NRXN1: variants seen among roughly 807,000 people sequenced by gnomAD.
NRXN1 encodes the protein neurexin-1.
Under a neutral mutation model 150.9 loss-of-function variants are expected in NRXN1, and 39 were observed. The observed-to-expected ratio is 0.26, with a 90% CI of 0.20 to 0.34. The LOEUF is 0.34. Among genes scored for constraint, NRXN1 ranks in the 10% least tolerant of loss-of-function variants. The probability of loss-of-function intolerance (pLI) is 1.00; values close to 1 mark genes in which losing one functional copy is unlikely to be tolerated. For missense variants in NRXN1, 1,815 were observed against 1,949.9 expected (o/e 0.93, Z 1.30); for synonymous variants, 924 against 757.0 (o/e 1.22, Z -3.62).
At chr2:50,703,599 C>T (rs551731640) in intron 5 of NRXN1, among the ~76,000 whole-genome samples, 2 of 152,220 alleles carry the variant, frequency 1.3e-5, no homozygotes, top group East Asian at 3.9e-4. Flanking sequence ...AGTAGAGAAA[C>T]CCATGGAGTG....
intron 17 of NRXN1, among the ~76,000 whole-genome samples, chr2:50,356,445 G>A (rs1009945291): frequency 4.6e-5 from 7 of 152,006 alleles, no homozygotes; most frequent in Non-Finnish European, 1.0e-4. Context: ...TGACCTCTGA[G>A]GCATTTTGAA....
chr2:50,438,063 G>A (rs1572970516), intron 17 of NRXN1, among the ~76,000 whole-genome samples: 2 of 152,096 alleles, frequency 1.3e-5, no homozygotes, highest in South Asian at 4.1e-4. Context: ...TAAATTTCCT[G>A]TTCTTCCACC....
chr2:50,057,971 T>C (rs1198304614), intron 19 of NRXN1, among the ~76,000 whole-genome samples: 2 of 151,650 alleles, frequency 1.3e-5, no homozygotes, highest in East Asian at 1.9e-4. Context: ...TAGGGAAAGG[T>C]TGGGGAAAAA....
rs899544893 is a variant in NRXN1 at position 50,347,602 on chromosome 2, G to C, written c.3365-110632C>G. The C allele has an allele frequency of 8.9e-6, 9 of 1,011,090 alleles. No homozygotes were observed. The highest frequency in any genetic ancestry group is 1.1e-5 in the Non-Finnish European group (9 of 845,484). The allele number at this position is 1,011,090 out of a possible 1,614,324, so 62.6% of individuals were successfully genotyped here. On this transcript the variant is annotated intron_variant, in intron 17 of 22. Transcript: ENST00000401669. The surrounding 1 kb of genome is among the most constrained non-coding windows in gnomAD (Gnocchi z 4.9). ...TCCCGAGGCAATCTCCGCGTCCGCC[G>C]CCTCCTGACACTTACGCCCGGCGAG...
At chr2:50,584,576 T>C (rs1402532063) in intron 8 of NRXN1, among the ~76,000 whole-genome samples, 2 of 152,216 alleles carry the variant, frequency 1.3e-5, no homozygotes, top group Non-Finnish European at 2.9e-5. Context: ...AAGATAAATA[T>C]GATGAGCTAT....
At chr2:50,954,693 G>A (rs6730977) in intron 2 of NRXN1, among the ~76,000 whole-genome samples, 103,874 of 152,068 alleles carry the variant, frequency 0.68, 35,840 homozygotes, top group East Asian at 0.78. Context: ...TTTGGTCAGA[G>A]GGCCTGGCAT....
At chr2:49,924,876 G>T (rs969258797) in intron 22 of NRXN1, among the ~76,000 whole-genome samples, 2 of 152,032 alleles carry the variant, frequency 1.3e-5, no homozygotes, top group Non-Finnish European at 2.9e-5. Flanking sequence ...ATTATTATAG[G>T]TATGTTCGGA....
At chr2:50,150,526 C>G (rs940334439) in intron 18 of NRXN1, among the ~76,000 whole-genome samples, 1 of 151,798 alleles carries the variant, frequency 6.6e-6, no homozygotes, top group African/African-American at 2.4e-5. Flanking sequence ...TATATTACTG[C>G]TAAATGTTCC....
intron 18 of NRXN1, among the ~76,000 whole-genome samples, chr2:50,147,992 T>C (rs894298885): frequency 9.9e-5 from 15 of 151,678 alleles, no homozygotes; most frequent in Non-Finnish European, 1.6e-4. Context: ...AAAAATATTT[T>C]CAACTGTGTA....
chr2:50,164,606 T>C (rs888022889), intron 18 of NRXN1, among the ~76,000 whole-genome samples: 11 of 152,164 alleles, frequency 7.2e-5, no homozygotes, highest in African/African-American at 2.7e-4. Context: ...AACATAACTA[T>C]TAGGACCAAG....
intron 2 of NRXN1, among the ~76,000 whole-genome samples, chr2:50,978,305 T>TATATATATATAA (rs1436964052): frequency 7.4e-5 from 9 of 121,636 alleles, no homozygotes; most frequent in East Asian, 2.4e-4. Context: ...TATATATATA[T>TATATATATATAA]AAAATATATA....
chr2:50,857,707 T>A (rs1675473594), intron 5 of NRXN1, among the ~76,000 whole-genome samples: 1 of 152,080 alleles, frequency 6.6e-6, no homozygotes, highest in Admixed American at 6.6e-5. Context: ...TTTCTGATTA[T>A]CCATCCCTCG....
At chr2:50,079,175 A>T (rs1189000761) in intron 19 of NRXN1, among the ~76,000 whole-genome samples, 1 of 151,934 alleles carries the variant, frequency 6.6e-6, no homozygotes, top group Non-Finnish European at 1.5e-5. Flanking sequence ...ATCAAATGAC[A>T]TATCTATTAG....
intron 5 of NRXN1, among the ~76,000 whole-genome samples, chr2:50,812,734 G>A (rs1668396885): frequency 6.7e-6 from 1 of 149,560 alleles, no homozygotes; most frequent in Non-Finnish European, 1.5e-5. Context: ...GTGTGTGTGT[G>A]TGTGTGTGAG....
chr2:50,207,201 A>G (rs2152839917), intron 18 of NRXN1, among the ~76,000 whole-genome samples: 1 of 152,244 alleles, frequency 6.6e-6, no homozygotes, highest in Middle Eastern at 3.4e-3. Context: ...TTCACATTTT[A>G]TCTACCTGAT....
intron 18 of NRXN1, among the ~76,000 whole-genome samples, chr2:50,144,804 T>A (rs1445891034): frequency 6.6e-6 from 1 of 151,760 alleles, no homozygotes; most frequent in Non-Finnish European, 1.5e-5. Flanking sequence ...TGATTACCTA[T>A]TTTTGGTTCT....
chr2:49,999,990 T>C (rs1301911623), intron 21 of NRXN1, among the ~76,000 whole-genome samples: 3 of 152,146 alleles, frequency 2.0e-5, no homozygotes, highest in Non-Finnish European at 4.4e-5. Context: ...AAAGGTATAT[T>C]AAATAGAACC....
At chr2:50,948,537 G>T (rs1301510023) in intron 2 of NRXN1, among the ~76,000 whole-genome samples, 1 of 152,030 alleles carries the variant, frequency 6.6e-6, no homozygotes, top group African/African-American at 2.4e-5. Context: ...TTTGAGGTTT[G>T]CTGGTTGATC....
chr2:50,315,914 A>C (rs374299253), intron 17 of NRXN1, among the ~76,000 whole-genome samples: 21 of 152,228 alleles, frequency 1.4e-4, no homozygotes, highest in African/African-American at 5.1e-4. Flanking sequence ...AGAAGAATAA[A>C]GTTTAAAGAA....
Sources: allele counts gnomAD v4.1 joint callset (sites outside exome capture counted in the v4.1 genomes callset), GRCh38; gene constraint gnomAD v4.1.1; non-coding constraint Gnocchi (gnomAD v3.1); transcripts MANE v1.5; gene names NCBI Gene and HGNC (gene_info 2026-07-23, HGNC 2026-07-21).